The following PTPRD variants were observed in gnomAD, a reference collection of about 807,000 sequenced individuals.
The protein encoded by PTPRD is protein tyrosine phosphatase receptor type D.
Under a neutral mutation model 214.5 loss-of-function variants are expected in PTPRD, and 34 were observed. The ratio of observed to expected loss-of-function variants is 0.16; its 90% CI spans 0.12 to 0.21. The LOEUF is 0.21. PTPRD is among the 10% of genes least tolerant of loss of function. The pLI is 1.00. For synonymous variants in PTPRD, 1,128 were observed against 845.7 expected (o/e 1.33, Z -5.79); for missense variants, 2,545 against 2,398.7 (o/e 1.06, Z -1.27).
intron 3 of PTPRD, among the ~76,000 whole-genome samples, chr9:10,072,996 A>G (rs2098058424): frequency 6.6e-6 from 1 of 152,118 alleles, no homozygotes; most frequent in Non-Finnish European, 1.5e-5. Flanking sequence ...ACTTCAACTT[A>G]AAATGAATGA....
intron 9 of PTPRD, among the ~76,000 whole-genome samples, chr9:9,331,045 A>G (rs1373694017): frequency 1.3e-5 from 2 of 152,080 alleles, no homozygotes; most frequent in Non-Finnish European, 2.9e-5. Flanking sequence ...AAACTTGCTC[A>G]GATAAGAGTC....
chr9:8,619,525 T>TA (rs1171477448), intron 14 of PTPRD, among the ~76,000 whole-genome samples: 3 of 151,988 alleles, frequency 2.0e-5, no homozygotes, highest in African/African-American at 7.3e-5. Flanking sequence ...CCAAATGCAT[T>TA]AAAAAAAGAA....
chr9:8,672,124 T>C (rs2097299822), intron 12 of PTPRD, among the ~76,000 whole-genome samples: 1 of 152,224 alleles, frequency 6.6e-6, no homozygotes, highest in Non-Finnish European at 1.5e-5. Flanking sequence ...TTACTGTTCA[T>C]GTTCATGACA....
At chr9:9,550,299 T>G (rs1386141940) in intron 8 of PTPRD, among the ~76,000 whole-genome samples, 1 of 151,582 alleles carries the variant, frequency 6.6e-6, no homozygotes, top group Non-Finnish European at 1.5e-5. Flanking sequence ...TGCCAGCTCC[T>G]GCAATCACAT....
chr9:8,377,167 A>T (rs1197871053), intron 37 of PTPRD, among the ~76,000 whole-genome samples: 1 of 152,142 alleles, frequency 6.6e-6, no homozygotes, highest in Non-Finnish European at 1.5e-5. Context: ...GCTTGTTTAA[A>T]GAAAAGTAGA....
chr9:9,956,850 C>G (rs2040084), intron 4 of PTPRD, among the ~76,000 whole-genome samples: 99,390 of 151,988 alleles, frequency 0.65, 34,241 homozygotes, highest in East Asian at 0.92. Flanking sequence ...ATAGAAAGCA[C>G]ATAAAATGTA....
At chr9:10,263,617 A>C (rs939954258) in intron 3 of PTPRD, among the ~76,000 whole-genome samples, 1 of 152,184 alleles carries the variant, frequency 6.6e-6, no homozygotes, top group Non-Finnish European at 1.5e-5. Flanking sequence ...TCTAGGCAAC[A>C]AAGTGTTCAA....
At chr9:8,880,154 T>C (rs1162213449) in intron 11 of PTPRD, among the ~76,000 whole-genome samples, 2 of 152,158 alleles carry the variant, frequency 1.3e-5, no homozygotes, top group East Asian at 3.9e-4. Flanking sequence ...CATTTTTTTC[T>C]CAGTCATAGC....
At chr9:10,346,308 T>C (rs976837992) in intron 2 of PTPRD, among the ~76,000 whole-genome samples, 3 of 152,178 alleles carry the variant, frequency 2.0e-5, no homozygotes, top group Non-Finnish European at 4.4e-5. Context: ...GGAATGAACA[T>C]GACACCTGGT....
intron 12 of PTPRD, among the ~76,000 whole-genome samples, chr9:8,637,836 C>A (rs1181799451): frequency 6.6e-6 from 1 of 152,090 alleles, no homozygotes; most frequent in Non-Finnish European, 1.5e-5. Context: ...GTTATAAAAT[C>A]TGTATCATAC....
At chr9:8,461,606 ATT>A (rs112467189) in intron 32 of PTPRD, among the ~76,000 whole-genome samples, 140 of 139,370 alleles carry the variant, frequency 1.0e-3, no homozygotes, top group African/African-American at 3.4e-3. Flanking sequence ...CATTGGTCCT[ATT>A]TTTTTTTTTT....
At chr9:8,786,055 GT>G (rs1378808148) in intron 11 of PTPRD, among the ~76,000 whole-genome samples, 7 of 151,218 alleles carry the variant, frequency 4.6e-5, no homozygotes, top group East Asian at 2.0e-4. Context: ...GTGTGTGTGT[GT>G]GTGTGTGTGT....
chr9:8,659,788 G>A (rs2096994459), intron 12 of PTPRD, among the ~76,000 whole-genome samples: 1 of 152,142 alleles, frequency 6.6e-6, no homozygotes. Context: ...TCTACCTATG[G>A]TTTTAGATGT....
chr9:10,343,140 C>A (rs201890897), intron 2 of PTPRD, among the ~76,000 whole-genome samples: 1 of 151,974 alleles, frequency 6.6e-6, no homozygotes, highest in Non-Finnish European at 1.5e-5. Context: ...CCCCGACCCC[C>A]TGACAGGCCC....
chr9:9,343,209 A>G (rs2047503848), intron 9 of PTPRD, among the ~76,000 whole-genome samples: 1 of 152,100 alleles, frequency 6.6e-6, no homozygotes, highest in African/African-American at 2.4e-5. Context: ...TTGTGTCTTT[A>G]TAGTCACATG....
intron 5 of PTPRD, among the ~76,000 whole-genome samples, chr9:9,903,634 A>C (rs777186684): frequency 1.3e-5 from 2 of 152,138 alleles, no homozygotes; most frequent in East Asian, 1.9e-4. Context: ...CAAGAAAAAT[A>C]AGATATAATT....
At chr9:10,550,786 A>C (rs1313986492) in intron 2 of PTPRD, among the ~76,000 whole-genome samples, 1 of 152,226 alleles carries the variant, frequency 6.6e-6, no homozygotes, top group African/African-American at 2.4e-5. Flanking sequence ...AGCTCTTCTG[A>C]AATTGGTTGG....
At chr9:10,209,134 G>C (rs2099501614) in intron 3 of PTPRD, among the ~76,000 whole-genome samples, 1 of 151,966 alleles carries the variant, frequency 6.6e-6, no homozygotes, top group African/African-American at 2.4e-5. Context: ...TTATGAAATT[G>C]TATTGCATAC....
chr9:8,319,714 T>C, intron 45 of PTPRD, 117 bp downstream of exon 45: 1 of 1,284,130 alleles, frequency 7.8e-7, no homozygotes, highest in Non-Finnish European at 1.1e-6. Flanking sequence ...TATTAAACAG[T>C]TTGATGCTTT....
Sources: allele counts gnomAD v4.1 joint callset (sites outside exome capture counted in the v4.1 genomes callset), GRCh38; gene constraint gnomAD v4.1.1; transcripts MANE v1.5; gene names NCBI Gene and HGNC (gene_info 2026-07-23, HGNC 2026-07-21).